The following UPF3B variants were observed in gnomAD, a reference collection of about 807,000 sequenced individuals.
The protein encoded by UPF3B is UPF3B regulator of nonsense mediated mRNA decay.
In UPF3B, 7 loss-of-function variants were observed where a neutral mutation model predicts 40.3. That is an observed-to-expected ratio of 0.17 (90% CI 0.10 to 0.33). The LOEUF is 0.33. Among genes scored for constraint, UPF3B ranks in the 10% least tolerant of loss-of-function variants. The pLI is 1.00. For synonymous variants in UPF3B, 117 were observed against 117.3 expected, an observed-to-expected ratio of 1.00 and a Z score of 0.01; for missense variants, 229 against 358.9, an observed-to-expected ratio of 0.64 and a Z score of 2.93.
At chrX:119,826,802 T>C (rs1398598697) in intron 3 of UPF3B, among the ~76,000 whole-genome samples, 2 of 112,079 alleles carry the variant, frequency 1.8e-5, no homozygotes, top group Non-Finnish European at 3.8e-5. Context: ...GCTTTCCCAG[T>C]ATGACTCTGA....
intron 1 of UPF3B, 135 bp from the exon 2 acceptor site, chrX:119,852,008 C>T: frequency 2.0e-6 from 1 of 491,669 alleles, no homozygotes; most frequent in Non-Finnish European, 3.5e-6. Context: ...AAATATTCTT[C>T]TGCAGCCCAA....
intron 4 of UPF3B, among the ~76,000 whole-genome samples, chrX:119,844,629 G>A (rs1235873915): frequency 1.8e-5 from 2 of 109,342 alleles, no homozygotes; most frequent in Admixed American, 2.0e-4. Context: ...TTGAGATGGA[G>A]TTTCGCTCTT....
chrX:119,806,798 C>A (rs1052864101), intron 6 of UPF3B, among the ~76,000 whole-genome samples: 1 of 109,716 alleles, frequency 9.1e-6, no homozygotes. Flanking sequence ...AAGGCCGAAG[C>A]GGGGGGAATC....
intron 10 of UPF3B, among the ~76,000 whole-genome samples, chrX:119,836,799 C>T (rs1185683690): frequency 3.7e-5 from 4 of 108,043 alleles, no homozygotes; most frequent in East Asian, 2.9e-4. Flanking sequence ...TACAGGCGCC[C>T]GCCACCACGC....
intron 4 of UPF3B, among the ~76,000 whole-genome samples, chrX:119,819,865 G>C (rs1257010469): frequency 1.5e-5 from 1 of 68,755 alleles, no homozygotes; most frequent in Non-Finnish European, 2.6e-5. Context: ...TTTTTTTTGA[G>C]ATGGAGTCTG....
Position 119,834,451 on chromosome X carries a change from C to T in UPF3B, c.*427G>A. 1 of 825,712 alleles carries T rather than the reference C, an allele frequency of 1.2e-6. No individual in the cohort carries two copies. The allele number at this position is 825,712 out of a possible 1,213,427, so 68.0% of individuals were successfully genotyped here. A position where few individuals can be genotyped will look rare whatever the true frequency, so the allele number is the denominator to read the frequency against. ...ATGTCAACACTTATCATCAACAATA[C>T]AATAGAATTAGATCGGAACAAGGCT... On this transcript the variant is annotated 3_prime_UTR_variant, in exon 11 of 11. Transcript: ENST00000276201.
At chrX:119,823,556 C>CTTTTTTTTTTTTT (rs1569459617) in intron 3 of UPF3B, among the ~76,000 whole-genome samples, 1 of 42,090 alleles carries the variant, frequency 2.4e-5, no homozygotes, top group African/African-American at 3.8e-4. Context: ...TCTTTTTTTC[C>CTTTTTTTTTTTTT]TCTTTTTTTT....
At chrX:119,843,405 G>A (rs1362976070) in intron 4 of UPF3B, 104 bp from the exon 5 acceptor site, 2 of 607,115 alleles carry the variant, frequency 3.3e-6, no homozygotes, top group African/African-American at 4.6e-5. Flanking sequence ...TTTTTACTTC[G>A]TGGAAGATTA....
intron 5 of UPF3B, among the ~76,000 whole-genome samples, chrX:119,812,917 T>A (rs2055836731): frequency 9.0e-6 from 1 of 111,239 alleles, no homozygotes; most frequent in Admixed American, 9.7e-5. Flanking sequence ...ACACTTCCAT[T>A]TCTTGTCTTC....
intron 4 of UPF3B, among the ~76,000 whole-genome samples, chrX:119,815,996 C>T (rs2055862256): frequency 9.0e-6 from 1 of 111,285 alleles, no homozygotes; most frequent in Non-Finnish European, 1.9e-5. Flanking sequence ...AGGCCAGGTT[C>T]ATCTCCAACT....
chrX:119,841,662 C>T (rs2056162709), intron 6 of UPF3B, 73 bp downstream of exon 6: 3 of 988,212 alleles, frequency 3.0e-6, no homozygotes, highest in Non-Finnish European at 4.3e-6. Context: ...AAACCCAATG[C>T]TCTTAAAATG....
At chrX:119,813,602 C>T (rs1252980270) in intron 5 of UPF3B, among the ~76,000 whole-genome samples, 1 of 104,661 alleles carries the variant, frequency 9.6e-6, no homozygotes, top group Non-Finnish European at 2.0e-5. Context: ...CGCTCTGTCA[C>T]CCAGGCTGGA....
At chrX:119,814,859 CTTTTTTTTTTTTTTTTTT>C (rs140201169) in intron 5 of UPF3B, among the ~76,000 whole-genome samples, 3 of 46,263 alleles carry the variant, frequency 6.5e-5, no homozygotes, top group Non-Finnish European at 7.7e-5. Flanking sequence ...TTCTTTCTTT[CTTTTTTTTTTTTTTTTTT>C]TTTTTTGAGA....
downstream of UPF3B, among the ~76,000 whole-genome samples, chrX:119,833,663 C>T (rs1370155541): frequency 8.9e-6 from 1 of 111,845 alleles, no homozygotes; most frequent in Admixed American, 9.5e-5. Context: ...CCCACCACCA[C>T]GCCCAGATAA....
chrX:119,843,971 C>T (rs2056196460), intron 4 of UPF3B, among the ~76,000 whole-genome samples: 1 of 112,357 alleles, frequency 8.9e-6, no homozygotes, highest in African/African-American at 3.2e-5. Context: ...TCTAACATAA[C>T]ATTACAGAGG....
chrX:119,843,791 A>G (rs1000819515), intron 4 of UPF3B, among the ~76,000 whole-genome samples: 1 of 112,372 alleles, frequency 8.9e-6, no homozygotes, highest in African/African-American at 3.2e-5. Flanking sequence ...TAAATCTGTA[A>G]TAAAACCAGT....
chrX:119,821,570 G>A (rs1048318910), intron 4 of UPF3B, among the ~76,000 whole-genome samples: 25 of 112,368 alleles, frequency 2.2e-4, no homozygotes, highest in South Asian at 7.3e-4. Flanking sequence ...GGCTGAGGCC[G>A]GTGGATCACG....
intron 7 of UPF3B, 64 bp downstream of exon 7, chrX:119,841,012 A>G (rs2056154824): frequency 3.5e-5 from 39 of 1,129,393 alleles, no homozygotes; most frequent in Non-Finnish European, 4.7e-5. Context: ...AGACGCATGC[A>G]TATTTAAAGA....
intron 4 of UPF3B, among the ~76,000 whole-genome samples, chrX:119,821,063 G>A (rs1270992086): frequency 2.7e-5 from 3 of 111,411 alleles, no homozygotes; most frequent in Non-Finnish European, 3.8e-5. Flanking sequence ...GGGGTATTGG[G>A]GTTATGGGGC....
Sources: allele counts gnomAD v4.1 joint callset (sites outside exome capture counted in the v4.1 genomes callset), GRCh38; gene constraint gnomAD v4.1.1; transcripts MANE v1.5; gene names NCBI Gene and HGNC (gene_info 2026-07-23, HGNC 2026-07-21).